Variants in CYP27A1 observed in about 807,000 individuals in gnomAD.
The protein encoded by CYP27A1 is cytochrome P450 family 27 subfamily A member 1.
A neutral mutation model predicts 58.2 loss-of-function variants in CYP27A1; 46 were observed. The ratio of observed to expected loss-of-function variants is 0.79; its 90% CI spans 0.62 to 1.01. The LOEUF is 1.01. Ranked by LOEUF, CYP27A1 falls within the 50% of genes least tolerant of loss-of-function variation. CYP27A1 has a pLI of 0.00. For synonymous variants in CYP27A1, 274 were observed against 285.1 expected (o/e 0.96, Z 0.39); for missense variants, 704 against 687.0 (o/e 1.02, Z -0.28).
chr2:218,789,659 C>T (rs537202408), intron 1 of CYP27A1, among the ~76,000 whole-genome samples: 1 of 152,314 alleles, frequency 6.6e-6, no homozygotes, highest in African/African-American at 2.4e-5. Flanking sequence ...ACCTTTAGGC[C>T]AAACTTAATA....
At chr2:218,811,774 C>T (rs970491325) in intron 2 of CYP27A1, among the ~76,000 whole-genome samples, 1 of 152,214 alleles carries the variant, frequency 6.6e-6, no homozygotes, top group East Asian at 1.9e-4. Context: ...GATTCCAGAG[C>T]TGTATAATTC....
chr2:218,813,162 C>G, intron 5 of CYP27A1, 66 bp downstream of exon 5: 1 of 1,441,362 alleles, frequency 6.9e-7, no homozygotes, highest in Non-Finnish European at 9.4e-7. Flanking sequence ...TCCCTATTAT[C>G]CCTCACCTGA....
chr2:218,812,998 G>C lies in CYP27A1; in HGVS notation c.919G>C (p.Val307Leu). Residue 307 changes from valine (V) to leucine (L), a missense_variant, in exon 5 of 9, where the codon GTG becomes CTG. By Grantham distance (32) the Val-to-Leu change is conservative. Transcript: ENST00000258415. ...LQAAGPDGIQ[V>L]SGYLHFLLAS... The stretch of plus-strand genomic sequence containing the variant: ...GGCAGCAGGGCCAGATGGCATCCAG[G>C]TGTCTGGCTACCTGCACTTCTTACT... 1.2e-6 allele frequency: 2 copies of C among 1,614,240 alleles called. No homozygotes were observed. The highest frequency in any genetic ancestry group is 1.7e-6 in the Non-Finnish European group (2 of 1,180,032).
At chr2:218,787,215 A>G (rs1943449103) in intron 1 of CYP27A1, among the ~76,000 whole-genome samples, 1 of 152,174 alleles carries the variant, frequency 6.6e-6, no homozygotes. Flanking sequence ...GGTCTTAGGC[A>G]TAGGGGAGGT....
At position 218,782,171 on chromosome 2, in the gene CYP27A1, C is replaced by G; in HGVS notation, c.-12C>G. ...CACTCGACCCAAAGGTGCAGGCGCG[C>G]GAGCACAACCCATGGCTGCGCTGGG... On this transcript the variant is annotated 5_prime_UTR_variant, in exon 1 of 9. Transcript: ENST00000258415. The surrounding 1 kb of genome is among the most constrained non-coding windows in gnomAD (Gnocchi z 4.1). 1 of 1,534,722 alleles carries G rather than the reference C, an allele frequency of 6.5e-7. No homozygotes were observed. The highest frequency in any genetic ancestry group is 8.7e-7 in the Non-Finnish European group (1 of 1,146,006).
In CYP27A1 at chr2:218,801,321, A is replaced by G. The variant is rs182072332; in HGVS notation, c.256-8256A>G. Among the ~76,000 whole-genome samples the G allele has an allele frequency of 2.7e-4, 41 of 152,280 alleles. 1 individual carries two copies. The highest frequency in any genetic ancestry group is 1.9e-3 in the South Asian group (9 of 4,828). On this transcript the variant is annotated intron_variant, in intron 1 of 8. Coordinates refer to ENST00000258415, the MANE Select transcript of CYP27A1 (RefSeq NM_000784.4). Reference sequence around the variant, plus strand: ...GGAGTTCGAGACCAGCCTGGCCAACATGGTGAAACCCTGTCTCTATTAAAA... The same window carrying G: ...GGAGTTCGAGACCAGCCTGGCCAACGTGGTGAAACCCTGTCTCTATTAAAA...
rs112607136 is a variant in CYP27A1 at position 218,789,529 on chromosome 2, T to C, written c.255+7092T>C. 4.8e-3 allele frequency among the ~76,000 whole-genome samples: 727 copies of C among 152,358 alleles called. 6 individuals carry two copies. Among genetic ancestry groups the C allele is most frequent in the African/African-American group, 0.017 (691 of 41,590 alleles). On this transcript the variant is annotated intron_variant, in intron 1 of 8. Transcript: ENST00000258415. ...TGATTACAGCTTGGCATTAGCCTAA[T>C]TTGAACACGGTTTGAACAGTTGGCC... is the stretch of plus-strand genomic sequence containing the variant.
intron 1 of CYP27A1, among the ~76,000 whole-genome samples, chr2:218,798,303 C>A (rs1943566300): frequency 6.6e-6 from 1 of 152,230 alleles, no homozygotes; most frequent in African/African-American, 2.4e-5. Flanking sequence ...CCATGCCCAG[C>A]CTTCTTATAA....
At chr2:218,800,209 C>A (rs1943585718) in intron 1 of CYP27A1, among the ~76,000 whole-genome samples, 1 of 152,076 alleles carries the variant, frequency 6.6e-6, no homozygotes, top group African/African-American at 2.4e-5. Context: ...ATGGGGAGGC[C>A]AGTGAAGAGT....
At chr2:218,813,149 A>C in intron 5 of CYP27A1, 53 bp downstream of exon 5, 5 of 1,530,738 alleles carry the variant, frequency 3.3e-6, no homozygotes, top group Non-Finnish European at 4.4e-6. Flanking sequence ...AACCTGAACC[A>C]GTTCCCTATT....
Sources: allele counts gnomAD v4.1 joint callset (sites outside exome capture counted in the v4.1 genomes callset), GRCh38; gene constraint gnomAD v4.1.1; non-coding constraint Gnocchi (gnomAD v3.1); transcripts MANE v1.5; gene names NCBI Gene and HGNC (gene_info 2026-07-23, HGNC 2026-07-21).